Variants in DOCK8 observed in about 807,000 individuals in gnomAD.
DOCK8 encodes the protein dedicator of cytokinesis 8.
A neutral mutation model predicts 245.6 loss-of-function variants in DOCK8; 141 were observed. The observed-to-expected ratio is 0.57, with a 90% confidence interval of 0.50 to 0.66. The LOEUF (loss-of-function observed/expected upper bound fraction) is 0.66, where lower values mean the gene tolerates loss of function less well. Among genes scored for constraint, DOCK8 ranks in the 30% least tolerant of loss-of-function variants. The pLI is 0.00. For missense variants in DOCK8, 2,965 were observed against 2,603.4 expected (o/e 1.14, Z -3.02); for synonymous variants, 1,168 against 970.2 (o/e 1.20, Z -3.79).
intron 22 of DOCK8, among the ~76,000 whole-genome samples, chr9:385,431 T>C (rs768254770): frequency 2.0e-5 from 3 of 152,262 alleles, no homozygotes; most frequent in Non-Finnish European, 2.9e-5. Context: ...ATACAACTTA[T>C]ACTTCAAAAT....
At chr9:333,382 A>G (rs537451050) in intron 10 of DOCK8, among the ~76,000 whole-genome samples, 152 of 152,296 alleles carry the variant, frequency 1.0e-3, no homozygotes, top group Middle Eastern at 3.4e-3. Flanking sequence ...CGGGCAGATC[A>G]TGAGGTCAGA....
At chr9:443,790 C>T (rs944545721) in intron 43 of DOCK8, among the ~76,000 whole-genome samples, 4 of 152,140 alleles carry the variant, frequency 2.6e-5, no homozygotes, top group Non-Finnish European at 5.9e-5. Flanking sequence ...CATCCTGCAA[C>T]GACCCCTGGA....
intron 4 of DOCK8, among the ~76,000 whole-genome samples, chr9:300,758 G>C (rs1368428246): frequency 1.3e-5 from 2 of 152,110 alleles, no homozygotes; most frequent in South Asian, 2.1e-4. Context: ...GAAATGGATA[G>C]ATTCCTGGAA....
At chr9:344,020 G>T (rs888767532) in intron 14 of DOCK8, among the ~76,000 whole-genome samples, 4 of 152,166 alleles carry the variant, frequency 2.6e-5, no homozygotes, top group Non-Finnish European at 5.9e-5. Flanking sequence ...GACAAGTCTG[G>T]ACGGATTACA....
intron 24 of DOCK8, 45 bp from the exon 25 acceptor site, chr9:396,740 G>T: frequency 6.2e-7 from 1 of 1,612,702 alleles, no homozygotes; most frequent in Non-Finnish European, 8.5e-7. Flanking sequence ...TGTACAAGCA[G>T]GTCACCAATC....
At chr9:337,575 T>A (rs956055891) in intron 12 of DOCK8, among the ~76,000 whole-genome samples, 6 of 152,292 alleles carry the variant, frequency 3.9e-5, no homozygotes, top group Middle Eastern at 3.4e-3. Context: ...TGTGCAAGTT[T>A]CCAGGGCTCC....
chr9:443,989 G>T (rs1014207882), intron 43 of DOCK8, among the ~76,000 whole-genome samples: 5 of 152,034 alleles, frequency 3.3e-5, no homozygotes, highest in African/African-American at 1.2e-4. Context: ...TTTCAAACTC[G>T]ACAACACTTA....
chr9:429,774 A>G lies in DOCK8; in HGVS notation c.4546A>G (p.Ser1516Gly). ...ATGTCACCAAGTCCTGCACCACTGC[A>G]GCAGCAGCATGGATGTCACCCGGAG... ...DLCHQVLHHC[S>G]SSMDVTRSQA... Residue 1516 changes from serine (S) to glycine (G), a missense_variant, in exon 36 of 48, where the codon AGC becomes GGC. Physicochemically the swap from Ser to Gly is moderately conservative, Grantham distance 56 (BLOSUM62 0). Transcript: ENST00000432829. 1 of 1,614,158 alleles carries G rather than the reference A, an allele frequency of 6.2e-7. No individual in the cohort carries two copies. The highest frequency in any genetic ancestry group is 8.5e-7 in the Non-Finnish European group (1 of 1,180,018).
At chr9:411,812 TAATAA>T (rs1209269987) in intron 28 of DOCK8, among the ~76,000 whole-genome samples, 1 of 152,170 alleles carries the variant, frequency 6.6e-6, no homozygotes, top group Non-Finnish European at 1.5e-5. Flanking sequence ...TGTACCATAT[TAATAA>T]AATAAAGGAC....
At chr9:271,154 T>C (rs935862950) in intron 1 of DOCK8, among the ~76,000 whole-genome samples, 4 of 152,336 alleles carry the variant, frequency 2.6e-5, no homozygotes, top group Admixed American at 1.3e-4. Context: ...GAGGTAGAAG[T>C]ATTCATACAA....
At chr9:233,485 T>A (rs2047167849) in intron 1 of DOCK8, among the ~76,000 whole-genome samples, 1 of 152,124 alleles carries the variant, frequency 6.6e-6, no homozygotes, top group South Asian at 2.1e-4. Flanking sequence ...CTGTCTAATG[T>A]TGACAGTGGG....
chr9:339,174 C>G, intron 13 of DOCK8, 75 bp downstream of exon 13: 1 of 1,234,306 alleles, frequency 8.1e-7, no homozygotes, highest in Non-Finnish European at 1.2e-6. Context: ...TTGTCTAATG[C>G]CAGAATTTAT....
At chr9:221,935 AT>A (rs1440693308) in intron 1 of DOCK8, among the ~76,000 whole-genome samples, 2 of 152,008 alleles carry the variant, frequency 1.3e-5, no homozygotes, top group African/African-American at 4.8e-5. Flanking sequence ...GATTTATTAA[AT>A]TAATTTTCTA....
chr9:327,672 C>T (rs1019147220), intron 8 of DOCK8, among the ~76,000 whole-genome samples: 1 of 152,188 alleles, frequency 6.6e-6, no homozygotes, highest in Non-Finnish European at 1.5e-5. Flanking sequence ...GCTGGGATTA[C>T]GAGTGTGAAC....
At chr9:400,938 CCACCACCAT>C (rs1232119676) in intron 26 of DOCK8, among the ~76,000 whole-genome samples, 2 of 115,614 alleles carry the variant, frequency 1.7e-5, no homozygotes, top group Non-Finnish European at 1.8e-5. Flanking sequence ...ACAACATCCA[CCACCACCAT>C]CACCACCACC....
chr9:333,129 A>T (rs1257989127), intron 10 of DOCK8, among the ~76,000 whole-genome samples: 1 of 152,168 alleles, frequency 6.6e-6, no homozygotes, highest in African/African-American at 2.4e-5. Flanking sequence ...ACAGTGCCAG[A>T]GCTCTCCTGG....
At chr9:242,272 C>T (rs1014826491) in intron 1 of DOCK8, among the ~76,000 whole-genome samples, 4 of 152,252 alleles carry the variant, frequency 2.6e-5, no homozygotes, top group African/African-American at 4.8e-5. Context: ...TGTGCTCCAA[C>T]CCAAGCCAAT....
Position 311,958 on chromosome 9 carries a change from G to A in DOCK8, c.533G>A (p.Gly178Asp). The change falls in exon 6 of 48, where the codon GGC (glycine) becomes GAC (aspartate). Residue 178 changes from glycine to aspartate, a missense_variant. Physicochemically the swap from Gly to Asp is moderately conservative, Grantham distance 94. Around this residue, in one of 3 missense-constraint regions of DOCK8, gnomAD observed 2,825 missense variants for 2,453.5 expected, o/e 1.15. Transcript: ENST00000432829. ...LECSEPAAQA[G>D]PRHLNVLCDV... ...ACCCACTGTTTTCTCTCACAGGCAG[G>A]CCCCCGCCACTTAAACGTGCTGTGC... 1 of 1,613,548 alleles carries A rather than the reference G, an allele frequency of 6.2e-7. No individual in the cohort carries two copies. The highest frequency in any genetic ancestry group is 8.5e-7 in the Non-Finnish European group (1 of 1,180,000).
At chr9:368,309 TA>T (rs756718046) in intron 15 of DOCK8, 174 bp downstream of exon 15, 2 of 751,456 alleles carry the variant, frequency 2.7e-6, no homozygotes, top group South Asian at 2.8e-5. Flanking sequence ...GGGTCAGTCT[TA>T]CTTGACGATC....
Sources: gnomAD v4.1 joint callset for allele counts (sites outside exome capture counted in the v4.1 genomes callset) on GRCh38, gnomAD v4.1.1 for gene constraint, gnomAD v4.1.1 regional missense constraint, MANE v1.5 for transcripts, NCBI Gene and HGNC (gene_info 2026-07-23, HGNC 2026-07-21) for gene names.